Variants in RNF123 observed in about 807,000 individuals in gnomAD.
RNF123 encodes E3 ubiquitin-protein ligase RNF123.
Under a neutral mutation model 168.5 loss-of-function variants are expected in RNF123, and 86 were observed. The ratio of observed to expected loss-of-function variants is 0.51; its 90% CI spans 0.43 to 0.61. The LOEUF is 0.61. Among genes scored for constraint, RNF123 ranks in the 20% least tolerant of loss-of-function variants. The pLI is 0.00. For synonymous variants in RNF123, 666 were observed against 689.1 expected, an observed-to-expected ratio of 0.97 and a Z score of 0.52; for missense variants, 1,419 against 1,729.7, an observed-to-expected ratio of 0.82 and a Z score of 3.19.
chr3:49,713,052 G>T, intron 27 of RNF123: 2 of 644,042 alleles, frequency 3.1e-6, no homozygotes, highest in Non-Finnish European at 5.6e-6. Flanking sequence ...ATCACAGCAG[G>T]GGGTGGACCC....
chr3:49,697,067 G>A lies in RNF123; in HGVS notation c.168-76G>A, dbSNP rs1033603953. The A allele has an allele frequency of 2.4e-6, 3 of 1,263,590 alleles. No homozygotes were observed. The African/African-American group carries it at 4.4e-5, about 19-fold the overall frequency. The allele number at this position is 1,263,590 out of a possible 1,614,324, so 78.3% of individuals were successfully genotyped here. On this transcript the variant is annotated intron_variant, in intron 3 of 38. Transcript: ENST00000327697. ...TAGGCAGCCCCCCTGTGAGCTCAGG[G>A]GAAAGGATGGGATTTAGTGTCATCT... is the stretch of plus-strand genomic sequence containing the variant.
chr3:49,712,438 A>G (rs1249890767), intron 26 of RNF123, 41 bp from the exon 27 acceptor site: 2 of 1,605,850 alleles, frequency 1.2e-6, no homozygotes, highest in East Asian at 2.2e-5. Context: ...CCAAGACCCC[A>G]CTGGTGCGCA....
chr3:49,694,257 A>T (rs1049372100), intron 3 of RNF123, among the ~76,000 whole-genome samples: 12 of 152,372 alleles, frequency 7.9e-5, no homozygotes, highest in African/African-American at 2.2e-4. Flanking sequence ...GTACAATTTG[A>T]TAAGTGTTAA....
intron 16 of RNF123, 34 bp from the exon 17 acceptor site, chr3:49,701,777 A>T (rs2054398328): frequency 1.3e-6 from 2 of 1,547,784 alleles, no homozygotes; most frequent in Non-Finnish European, 1.8e-6. Context: ...GTCCCAGGTG[A>T]CCCTGCTGTA....
rs2080404455 is a variant in RNF123, at chr3:49,721,407, A to C, written c.*102A>C. 2 of 1,424,030 alleles carry C rather than the reference A, an allele frequency of 1.4e-6. No homozygotes were observed. The highest frequency in any genetic ancestry group is 3.3e-5 in the Admixed American group (2 of 59,754). 88.2% of individuals were successfully genotyped at this position (1,424,030 alleles called of 1,614,324 possible). ...TTGCCCTTCTCCTGTATCCCACACC[A>C]CCACATCCAACCTCCTTGCCTGCCT... is the stretch of plus-strand genomic sequence containing the variant. On this transcript the variant is annotated 3_prime_UTR_variant, in exon 39 of 39. Transcript: ENST00000327697.
rs529620090 is a variant in RNF123 at position 49,691,671 on chromosome 3, C to G, written c.167+162C>G. ...ATCTCTGGCCAGAGAGTCTGCCTTC[C>G]GTACTCTGCTTCTTCCTGTCTCCAG... On this transcript the variant is annotated intron_variant, in intron 3 of 38. Transcript: ENST00000327697. Among the ~76,000 whole-genome samples the G allele has an allele frequency of 4.5e-3, 692 of 152,362 alleles. 7 individuals are homozygous for G. Among genetic ancestry groups the G allele is most frequent in the African/African-American group, 0.015 (622 of 41,592 alleles).
rs1299803686 is a variant in RNF123 at position 49,716,309 on chromosome 3, C to T, written c.3416-84C>T. The stretch of plus-strand genomic sequence containing the variant: ...TGCTCTGCAGTCTCGGCTCACCCTT[C>T]TGTAGAGAGGGCAGTGGGCAGGCCT... On this transcript the variant is annotated intron_variant, in intron 34 of 38. Transcript: ENST00000327697. 3.7e-5 allele frequency: 58 copies of T among 1,553,092 alleles called. No homozygotes were observed. In the South Asian group the frequency reaches 5.8e-4, roughly 15 times the overall value.
intron 3 of RNF123, among the ~76,000 whole-genome samples, chr3:49,694,160 TA>T (rs1362921604): frequency 2.6e-5 from 4 of 152,222 alleles, no homozygotes; most frequent in Non-Finnish European, 5.9e-5. Flanking sequence ...TAGAAAACTT[TA>T]AAAAAATTTA....
chr3:49,718,517 C>G, intron 35 of RNF123: 1 of 1,613,196 alleles, frequency 6.2e-7, no homozygotes, highest in Non-Finnish European at 8.5e-7. Context: ...CTGAGAAGCT[C>G]CTGCTGCGGC....
In RNF123 at chr3:49,713,920, A is replaced by G. The variant is rs759586752; in HGVS notation, c.2848A>G (p.Met950Val). 3.1e-6 allele frequency: 5 copies of G among 1,613,738 alleles called. No individual in the cohort carries two copies. The Admixed American group carries it at 6.7e-5, about 22-fold the overall frequency. ...ERIPEEQRIA[M>V]VRNLLAPYEQ... ...TCCTTGCCCTCACAGGCGTATCGCC[A>G]TGGTGAGGAACCTCCTGGCGCCCTA... The change falls in exon 30 of 39, where the codon ATG becomes GTG. Residue 950 changes from methionine to valine, a missense_variant. Physicochemically the swap from Met to Val is conservative, Grantham distance 21. Coordinates refer to ENST00000327697, the MANE Select transcript of RNF123 (RefSeq NM_022064.5).
Position 49,702,676 on chromosome 3 carries a change from T to C in RNF123, c.1673T>C (p.Leu558Ser). ...LCPPEYMVCFLHRLISALRYY... is the reference protein window; with the variant it reads ...LCPPEYMVCFSHRLISALRYY... ...CCCCCTGAGTACATGGTCTGCTTCT[T>C]ACACCGGCTGATCTCTGCCCTGCGC... is the stretch of plus-strand genomic sequence containing the variant. The change falls in exon 20 of 39, where the codon TTA (leucine) becomes TCA (serine). Residue 558 changes from leucine (L) to serine (S), a missense_variant. Transcript: ENST00000327697. 1 of 1,614,248 alleles carries C rather than the reference T, an allele frequency of 6.2e-7. No homozygotes were observed. The highest frequency in any genetic ancestry group is 8.5e-7 in the Non-Finnish European group (1 of 1,180,034).
chr3:49,701,443 G>A (rs865816058), intron 15 of RNF123, 48 bp from the exon 16 acceptor site: 1 of 1,445,746 alleles, frequency 6.9e-7, no homozygotes, highest in Middle Eastern at 1.7e-4. Flanking sequence ...TCTTGAGGGT[G>A]TGCAGAGTGC....
rs557739877 is a variant in RNF123 at position 49,709,590 on chromosome 3, G to A, written c.2496+2692G>A. On this transcript the variant is annotated intron_variant, in intron 26 of 38. Transcript: ENST00000327697. ...GCTGGGATTACAGGCGTGAGCCACCGCGCCTGGCCTAATTTTGTATTTTTT... is the reference window on the plus strand; with the variant it reads ...GCTGGGATTACAGGCGTGAGCCACCACGCCTGGCCTAATTTTGTATTTTTT... 2.0e-5 allele frequency among the ~76,000 whole-genome samples: 3 copies of A among 152,026 alleles called. No homozygotes were observed. The East Asian group carries it at 5.8e-4, about 30-fold the overall frequency.
At chr3:49,715,012 T>C (rs757762334) in intron 31 of RNF123, among the ~76,000 whole-genome samples, 3 of 152,246 alleles carry the variant, frequency 2.0e-5, no homozygotes, top group African/African-American at 4.8e-5. Context: ...GCGGGAACTA[T>C]TGATTTGTAT....
At chr3:49,718,234 C>A (rs757220252) in intron 35 of RNF123, 3 of 1,611,628 alleles carry the variant, frequency 1.9e-6, no homozygotes, top group African/African-American at 2.7e-5. Context: ...GCAGGCACGG[C>A]GGCAGCAGCG....
intron 7 of RNF123, 104 bp downstream of exon 7, chr3:49,698,241 C>G (rs1038738532): frequency 1.8e-6 from 2 of 1,085,856 alleles, no homozygotes; most frequent in Non-Finnish European, 2.7e-6. Flanking sequence ...AGGACCCTAA[C>G]TAACCTGGAC....
intron 27 of RNF123, chr3:49,713,017 G>A: frequency 1.5e-6 from 1 of 681,634 alleles, no homozygotes. Flanking sequence ...CAGTTGGTCA[G>A]GGGCAGAATG....
chr3:49,699,941 C>A lies in RNF123; in HGVS notation c.984+169C>A. 1.4e-6 allele frequency: 1 copy of A among 722,130 alleles called. No individual in the cohort carries two copies. The highest frequency in any genetic ancestry group is 2.3e-6 in the Non-Finnish European group (1 of 436,478). The allele number at this position is 722,130 out of a possible 1,614,324, so 44.7% of individuals were successfully genotyped here. A position where few individuals can be genotyped will look rare whatever the true frequency, so the allele number is the denominator to read the frequency against. ...GACCTCAGTCAGTCCCCTAGGGAAA[C>A]AGGGACATTGCCAACCAAGGGCATC... On this transcript the variant is annotated intron_variant, in intron 12 of 38. Transcript: ENST00000327697. The surrounding 1 kb of genome is among the most constrained non-coding windows in gnomAD (Gnocchi z 4.8).
chr3:49,701,760 T>C, intron 16 of RNF123, 51 bp from the exon 17 acceptor site: 1 of 1,533,520 alleles, frequency 6.5e-7, no homozygotes, highest in Non-Finnish European at 8.9e-7. Context: ...GAAGGAGGCC[T>C]GGCTAGGTCC....
Sources: gnomAD v4.1 joint callset for allele counts (sites outside exome capture counted in the v4.1 genomes callset) on GRCh38, gnomAD v4.1.1 for gene constraint, Gnocchi (gnomAD v3.1) non-coding constraint, MANE v1.5 for transcripts, NCBI Gene and HGNC (gene_info 2026-07-23, HGNC 2026-07-21) for gene names.